ME1: variants seen among roughly 807,000 people sequenced by gnomAD.
ME1 encodes the protein malic enzyme 1, also known as NADP-dependent malic enzyme.
ME1 carries 74 observed loss-of-function variants against 66.4 expected under a neutral mutation model. The observed-to-expected ratio is 1.11, with a 90% CI of 0.92 to 1.35. The LOEUF is 1.35. ME1 is among the 40% of genes most tolerant of loss of function. ME1 has a pLI of 0.00. For synonymous variants in ME1, 251 were observed against 235.6 expected (o/e 1.07, Z -0.60); for missense variants, 750 against 694.1 (o/e 1.08, Z -0.90).
At chr6:83,279,772 C>T (rs4312958) in intron 6 of ME1, among the ~76,000 whole-genome samples, 2,843 of 152,148 alleles carry the variant, frequency 0.019, 116 homozygotes, top group East Asian at 0.17. Flanking sequence ...AGGCACAGAT[C>T]CAGGAAGCTC....
chr6:83,289,119 T>G (rs1296755886), intron 6 of ME1, among the ~76,000 whole-genome samples: 1 of 152,210 alleles, frequency 6.6e-6, no homozygotes, highest in Admixed American at 6.5e-5. Context: ...AATTCCTCTC[T>G]TCCTACTTGA....
Position 83,216,587 on chromosome 6 carries a change from G to A in ME1, c.1459C>T (p.Gln487Ter). Residue 487 changes from glutamine (Q) to a stop codon, truncating the protein, a stop_gained, in exon 13 of 14, where the codon CAG (glutamine) becomes TAG (stop). Transcript: ENST00000369705. LOFTEE classifies it high-confidence loss of function. Reference sequence around the variant, plus strand: ...TCCAAGTGTTTATCTGACACTTGCTGAGCTATAACCTTATGAAAAAAAGAA... The same window carrying A: ...TCCAAGTGTTTATCTGACACTTGCTAAGCTATAACCTTATGAAAAAAAGAA... ...IFLTTAEVIA[Q>*]QVSDKHLEEG... 6.2e-7 allele frequency: 1 copy of A among 1,606,266 alleles called. No individual in the cohort carries two copies. The highest frequency in any genetic ancestry group is 1.1e-5 in the South Asian group (1 of 90,152).
At chr6:83,221,010 T>C (rs1790082126) in intron 12 of ME1, among the ~76,000 whole-genome samples, 2 of 152,000 alleles carry the variant, frequency 1.3e-5, no homozygotes, top group African/African-American at 2.4e-5. Context: ...AATACAAAAA[T>C]TAGCTGGGCG....
intron 1 of ME1, among the ~76,000 whole-genome samples, chr6:83,429,176 T>C (rs1429390854): frequency 1.3e-5 from 2 of 152,076 alleles, no homozygotes; most frequent in Non-Finnish European, 2.9e-5. Flanking sequence ...GGCAGGAGAA[T>C]GGCGTGAACC....
intron 3 of ME1, among the ~76,000 whole-genome samples, chr6:83,369,962 T>C (rs1769166309): frequency 6.6e-6 from 1 of 152,094 alleles, no homozygotes. Context: ...GGGGTTCCTT[T>C]AGGAAAGGTT....
chr6:83,276,550 T>A (rs1767185864), intron 6 of ME1, among the ~76,000 whole-genome samples: 1 of 152,174 alleles, frequency 6.6e-6, no homozygotes, highest in Non-Finnish European at 1.5e-5. Flanking sequence ...GAAAGGAGTA[T>A]GATAATTTGC....
At chr6:83,224,760 AG>A (rs1346322436) in intron 11 of ME1, among the ~76,000 whole-genome samples, 1 of 151,378 alleles carries the variant, frequency 6.6e-6, no homozygotes, top group Non-Finnish European at 1.5e-5. Context: ...AGAATCACAT[AG>A]GAAACAAACT....
intron 6 of ME1, among the ~76,000 whole-genome samples, chr6:83,302,343 A>C (rs553336987): frequency 6.6e-6 from 1 of 152,236 alleles, no homozygotes; most frequent in Non-Finnish European, 1.5e-5. Context: ...AAAAAAAAAT[A>C]ACTAACGAGT....
chr6:83,238,799 A>AATATATATATATATAT (rs34022791), intron 8 of ME1, among the ~76,000 whole-genome samples: 2 of 139,292 alleles, frequency 1.4e-5, no homozygotes, highest in African/African-American at 2.6e-5. Flanking sequence ...TTTCTTGAAA[A>AATATATATATATATAT]ATATATATAT....
At chr6:83,420,035 C>T (rs1324181429) in intron 1 of ME1, among the ~76,000 whole-genome samples, 1 of 152,070 alleles carries the variant, frequency 6.6e-6, no homozygotes, top group Non-Finnish European at 1.5e-5. Context: ...TCTCTCATTT[C>T]TTCCAGCAGC....
chr6:83,388,994 C>T (rs1304667567), intron 3 of ME1, among the ~76,000 whole-genome samples: 1 of 152,090 alleles, frequency 6.6e-6, no homozygotes, highest in African/African-American at 2.4e-5. Context: ...TGGTGCATGC[C>T]TGTAATCCTA....
intron 5 of ME1, among the ~76,000 whole-genome samples, chr6:83,321,232 T>G (rs1326978658): frequency 6.6e-6 from 1 of 152,114 alleles, no homozygotes; most frequent in Non-Finnish European, 1.5e-5. Flanking sequence ...GGGTGGTCAT[T>G]TGGGCAGACA....
intron 2 of ME1, among the ~76,000 whole-genome samples, chr6:83,403,025 A>G (rs1306510568): frequency 6.6e-6 from 1 of 152,230 alleles, no homozygotes; most frequent in African/African-American, 2.4e-5. Context: ...ATCTGATAAC[A>G]TAAGATATAC....
chr6:83,288,281 G>T (rs1767435430), intron 6 of ME1, among the ~76,000 whole-genome samples: 1 of 152,136 alleles, frequency 6.6e-6, no homozygotes, highest in South Asian at 2.1e-4. Flanking sequence ...GATTTTTACA[G>T]TCCTAGGTCT....
At chr6:83,244,934 A>G (rs979486421) in intron 7 of ME1, among the ~76,000 whole-genome samples, 3 of 152,202 alleles carry the variant, frequency 2.0e-5, no homozygotes, top group Admixed American at 6.5e-5. Context: ...ACAAAGGTCA[A>G]TCAAGAAAGA....
At chr6:83,322,668 A>T (rs929398496) in intron 5 of ME1, among the ~76,000 whole-genome samples, 2 of 152,232 alleles carry the variant, frequency 1.3e-5, no homozygotes, top group Non-Finnish European at 2.9e-5. Context: ...AAAAGGCCAA[A>T]CTGACGTTTG....
At chr6:83,347,489 T>G (rs1221653660) in intron 4 of ME1, among the ~76,000 whole-genome samples, 1 of 152,192 alleles carries the variant, frequency 6.6e-6, no homozygotes, top group African/African-American at 2.4e-5. Context: ...TGGCCTTGGG[T>G]GAATTTAAGC....
chr6:83,351,799 C>T (rs1423075852), intron 4 of ME1, among the ~76,000 whole-genome samples: 1 of 152,026 alleles, frequency 6.6e-6, no homozygotes, highest in Admixed American at 6.6e-5. Context: ...AATTCAGATG[C>T]TATCACATAT....
At chr6:83,223,623 C>T in intron 12 of ME1, 137 bp downstream of exon 12, 2 of 735,698 alleles carry the variant, frequency 2.7e-6, no homozygotes, top group Non-Finnish European at 4.3e-6. Flanking sequence ...ACCCCTTATA[C>T]TCCACTGGGA....
Sources: allele counts gnomAD v4.1 joint callset (sites outside exome capture counted in the v4.1 genomes callset), GRCh38; gene constraint gnomAD v4.1.1; transcripts MANE v1.5; gene names NCBI Gene and HGNC (gene_info 2026-07-23, HGNC 2026-07-21).